The following LOXHD1 variants were observed in gnomAD, a reference collection of about 807,000 sequenced individuals.
LOXHD1 encodes lipoxygenase homology domain-containing protein 1.
In LOXHD1, 205 loss-of-function variants were observed where a neutral mutation model predicts 248.2. The ratio of observed to expected loss-of-function variants is 0.83; its 90% confidence interval spans 0.74 to 0.93. The LOEUF is 0.93. Among genes scored for constraint, LOXHD1 ranks in the 40% least tolerant of loss-of-function variants. LOXHD1 has a pLI of 0.00. For synonymous variants in LOXHD1, 1,113 were observed against 1,162.8 expected, an observed-to-expected ratio of 0.96 and a Z score of 0.87; for missense variants, 2,930 against 2,971.6, an observed-to-expected ratio of 0.99 and a Z score of 0.33.
chr18:46,610,420 G>A (rs562710995), intron 6 of LOXHD1, among the ~76,000 whole-genome samples: 14 of 152,080 alleles, frequency 9.2e-5, no homozygotes, highest in Non-Finnish European at 1.9e-4. Context: ...GGCTGGGGGA[G>A]GGATAGCATT....
At chr18:46,605,396 G>A (rs1472889045) in intron 6 of LOXHD1, among the ~76,000 whole-genome samples, 4 of 132,404 alleles carry the variant, frequency 3.0e-5, no homozygotes, top group African/African-American at 5.5e-5. Flanking sequence ...GCGTGGTGGC[G>A]GGCACCTATA....
intron 12 of LOXHD1, 49 bp from the exon 13 acceptor site, chr18:46,579,833 A>G: frequency 6.6e-7 from 1 of 1,525,020 alleles, no homozygotes; most frequent in Non-Finnish European, 8.8e-7. Flanking sequence ...CCTGCTTCCC[A>G]TCCCTAGCCC....
At chr18:46,545,876 G>A (rs958621658) in intron 22 of LOXHD1, among the ~76,000 whole-genome samples, 20 of 151,608 alleles carry the variant, frequency 1.3e-4, no homozygotes, top group South Asian at 8.4e-4. Flanking sequence ...TGATCCGCCC[G>A]CCTCGGCCTC....
intron 21 of LOXHD1, among the ~76,000 whole-genome samples, chr18:46,548,363 G>T (rs2036938585): frequency 6.6e-6 from 1 of 152,170 alleles, no homozygotes; most frequent in Admixed American, 6.5e-5. Context: ...CCCACATTTT[G>T]CTAGAGTCTT....
Position 46,594,326 on chromosome 18 carries a change from C to T in LOXHD1, c.1270+5G>A. The stretch of plus-strand genomic sequence containing the variant: ...GCCTCCAGGTTCTGGGTCTCTCTCA[C>T]TTACTTTTCAGCCGCTTCTTCCTGA... On this transcript the variant is annotated splice_donor_5th_base_variant and intron_variant, in intron 9 of 40. Coordinates refer to ENST00000642948, the MANE Select transcript of LOXHD1 (RefSeq NM_001384474.1). 6.4e-7 allele frequency: 1 copy of T among 1,551,582 alleles called. No individual in the cohort carries two copies. The highest frequency in any genetic ancestry group is 8.7e-7 in the Non-Finnish European group (1 of 1,146,978).
At chr18:46,542,692 GTC>G in intron 24 of LOXHD1, 33 bp downstream of exon 24, 13 of 1,550,890 alleles carry the variant, frequency 8.4e-6, no homozygotes, top group African/African-American at 1.4e-5. Context: ...GGTCCTTAAA[GTC>G]TTAGCAAGGA....
intron 17 of LOXHD1, among the ~76,000 whole-genome samples, chr18:46,565,943 G>A (rs1028871774): frequency 6.6e-6 from 1 of 152,098 alleles, no homozygotes; most frequent in South Asian, 2.1e-4. Context: ...CTTCATCACA[G>A]AAGACATGAA....
intron 33 of LOXHD1, among the ~76,000 whole-genome samples, chr18:46,518,633 C>A (rs1409945705): frequency 6.6e-6 from 1 of 152,262 alleles, no homozygotes; most frequent in African/African-American, 2.4e-5. Context: ...AGACCTGCCA[C>A]CTGCTGGCTG....
chr18:46,633,786 A>G (rs1357274366), intron 4 of LOXHD1, among the ~76,000 whole-genome samples: 2 of 152,228 alleles, frequency 1.3e-5, no homozygotes, highest in African/African-American at 4.8e-5. Context: ...AAAGATAAAC[A>G]ACTTAATTTA....
chr18:46,516,018 G>C (rs1342457631), intron 34 of LOXHD1, among the ~76,000 whole-genome samples: 1 of 152,180 alleles, frequency 6.6e-6, no homozygotes, highest in Non-Finnish European at 1.5e-5. Context: ...TCACTATAAA[G>C]CTCCTCCTCC....
At chr18:46,586,171 C>T (rs140584350) in intron 12 of LOXHD1, among the ~76,000 whole-genome samples, 201 of 152,268 alleles carry the variant, frequency 1.3e-3, no homozygotes, top group African/African-American at 4.7e-3. Context: ...TTGTATGACT[C>T]TATATATGAA....
chr18:46,560,562 G>C lies in LOXHD1; in HGVS notation c.2599-17C>G. 2 of 1,512,146 alleles carry C rather than the reference G, an allele frequency of 1.3e-6. No individual in the cohort carries two copies. The highest frequency in any genetic ancestry group is 1.8e-6 in the Non-Finnish European group (2 of 1,132,434). The allele number at this position is 1,512,146 out of a possible 1,614,324, so 93.7% of individuals were successfully genotyped here. On this transcript the variant is annotated splice_polypyrimidine_tract_variant and intron_variant, in intron 18 of 40. Transcript: ENST00000642948. ...CGCCTCAAGCTGTTCAAAGGGCAGG[G>C]CAGCGGCTGTCGTGGCCCCAGCGTC...
At position 46,579,620 on chromosome 18, in the gene LOXHD1, T is replaced by C. The variant is rs2144146516; in HGVS notation, c.1809+10A>G. Reference sequence around the variant, plus strand: ...GAAGGGGATGAGTGGGGCACATTGCTGTAACTTACATTGCCCTTTTCAAAC... The same window carrying C: ...GAAGGGGATGAGTGGGGCACATTGCCGTAACTTACATTGCCCTTTTCAAAC... On this transcript the variant is annotated intron_variant, in intron 13 of 40. Coordinates refer to ENST00000642948, the MANE Select transcript of LOXHD1 (RefSeq NM_001384474.1). 1 of 1,551,708 alleles carries C rather than the reference T, an allele frequency of 6.4e-7. No individual in the cohort carries two copies.
chr18:46,631,743 G>A (rs912563540), intron 4 of LOXHD1, among the ~76,000 whole-genome samples: 15 of 152,224 alleles, frequency 9.9e-5, no homozygotes, highest in African/African-American at 3.6e-4. Context: ...GGCAGGCCCC[G>A]GGGCTCCAGA....
At chr18:46,651,768 G>A (rs1458920397) in intron 1 of LOXHD1, among the ~76,000 whole-genome samples, 1 of 151,862 alleles carries the variant, frequency 6.6e-6, no homozygotes, top group Non-Finnish European at 1.5e-5. Context: ...AGAGCCAGAA[G>A]ATACCAAAAA....
In LOXHD1 at chr18:46,559,592, A is replaced by G; in HGVS notation, c.3072T>C (p.Tyr1024=). The G allele has an allele frequency of 1.3e-6, 2 of 1,551,764 alleles. No individual in the cohort carries two copies. The highest frequency in any genetic ancestry group is 1.7e-6 in the Non-Finnish European group (2 of 1,146,978). Residue 1024 remains tyrosine, a synonymous_variant, in exon 20 of 41, where the codon TAT becomes TAC. Coordinates refer to ENST00000642948, the MANE Select transcript of LOXHD1 (RefSeq NM_001384474.1). Reference sequence around the variant, plus strand: ...CATTCCCCGTGACCACCTGAACCTCATAGGTGTTTCCTGTAGACACAGAAA... The same window carrying G: ...CATTCCCCGTGACCACCTGAACCTCGTAGGTGTTTCCTGTAGACACAGAAA... ...AGKPGPERNT[Y]EVQVVTGNVP...
chr18:46,586,513 T>A (rs2038063979), intron 12 of LOXHD1, among the ~76,000 whole-genome samples: 1 of 152,246 alleles, frequency 6.6e-6, no homozygotes, highest in Non-Finnish European at 1.5e-5. Flanking sequence ...TGGCGCGATC[T>A]CCGCTCACTG....
At chr18:46,482,766 G>A (rs983990297) in intron 40 of LOXHD1, among the ~76,000 whole-genome samples, 2 of 152,212 alleles carry the variant, frequency 1.3e-5, no homozygotes, top group African/African-American at 4.8e-5. Context: ...CCTTGTGCAG[G>A]GAAGGCTCTA....
intron 5 of LOXHD1, among the ~76,000 whole-genome samples, chr18:46,615,418 G>A (rs746038500): frequency 6.6e-6 from 1 of 152,124 alleles, no homozygotes; most frequent in Non-Finnish European, 1.5e-5. Context: ...ATTCTGTTCC[G>A]GGTGGTGGTG....
Sources: allele counts gnomAD v4.1 joint callset (sites outside exome capture counted in the v4.1 genomes callset), GRCh38; gene constraint gnomAD v4.1.1; transcripts MANE v1.5; gene names NCBI Gene and HGNC (gene_info 2026-07-23, HGNC 2026-07-21).